Variants in RBFOX3 observed in about 807,000 individuals in gnomAD.
RBFOX3 encodes the protein RNA binding protein fox-1 homolog 3.
In RBFOX3, 17 loss-of-function variants were observed where a neutral mutation model predicts 48.7. The observed-to-expected ratio is 0.35, with a 90% confidence interval of 0.24 to 0.52. The LOEUF is 0.52. RBFOX3 is among the 20% of genes least tolerant of loss of function. The pLI is 0.94. For synonymous variants in RBFOX3, 212 were observed against 209.5 expected (o/e 1.01, Z -0.10); for missense variants, 382 against 497.5 (o/e 0.77, Z 2.21).
chr17:79,626,512 G>T, the RBFOX3 span, among the ~76,000 whole-genome samples: 1 of 152,182 alleles, frequency 6.6e-6, no homozygotes, highest in Non-Finnish European at 1.5e-5. Context: ...CTGGAACCAG[G>T]ATTCTCACGG....
intron 2 of RBFOX3, among the ~76,000 whole-genome samples, chr17:79,326,111 T>C (rs375054140): frequency 7.2e-4 from 109 of 152,208 alleles, no homozygotes; most frequent in African/African-American, 2.5e-3. Context: ...TACATACTTC[T>C]GGGGCGGTTT....
At chr17:79,527,101 C>T (rs930781292) in intron 1 of RBFOX3, among the ~76,000 whole-genome samples, 5 of 152,232 alleles carry the variant, frequency 3.3e-5, no homozygotes, top group South Asian at 4.1e-4. Context: ...CTTCTCTTCC[C>T]GCCACTCTGA....
the RBFOX3 span, among the ~76,000 whole-genome samples, chr17:79,663,561 C>G: frequency 4.6e-5 from 7 of 152,172 alleles, no homozygotes; most frequent in Non-Finnish European, 7.4e-5. Flanking sequence ...CCCCCACATA[C>G]CTGTTCCTCA....
intron 3 of RBFOX3, among the ~76,000 whole-genome samples, chr17:79,302,048 T>C (rs2075391391): frequency 6.6e-6 from 1 of 152,122 alleles, no homozygotes; most frequent in Admixed American, 6.5e-5. Context: ...GTGGTGATGT[T>C]TGCACAACAA....
chr17:79,371,367 G>T (rs562172880), intron 2 of RBFOX3, among the ~76,000 whole-genome samples: 1 of 152,338 alleles, frequency 6.6e-6, no homozygotes, highest in South Asian at 2.1e-4. Flanking sequence ...TTCCAGAGGA[G>T]CCCAGGGCTT....
chr17:79,479,273 G>A lies in RBFOX3; in HGVS notation c.-175+3181C>T, dbSNP rs2078427797. 6.6e-6 allele frequency among the ~76,000 whole-genome samples: 1 copy of A among 152,206 alleles called. No homozygotes were observed. Among genetic ancestry groups the A allele is most frequent in the Non-Finnish European group, 1.5e-5 (1 of 68,032 alleles). The stretch of plus-strand genomic sequence containing the variant: ...CTGAAGCCCATGTCCAGGCTGCAGG[G>A]AGAACCCAGGAGCTCGCGGGGCAGG... On this transcript the variant is annotated intron_variant, in intron 2 of 14. Coordinates refer to ENST00000693108, the MANE Select transcript of RBFOX3 (RefSeq NM_001350451.2). The surrounding 1 kb of genome is among the most constrained non-coding windows in gnomAD (Gnocchi z 5.1).
At chr17:79,553,496 T>C (rs2091339953) in intron 1 of RBFOX3, among the ~76,000 whole-genome samples, 1 of 152,184 alleles carries the variant, frequency 6.6e-6, no homozygotes, top group African/African-American at 2.4e-5. Context: ...TACTTAGACT[T>C]TTTCTTCTTT....
intron 3 of RBFOX3, among the ~76,000 whole-genome samples, chr17:79,245,650 A>T (rs1369756728): frequency 7.9e-4 from 46 of 58,424 alleles, no homozygotes; most frequent in Middle Eastern, 0.014. Context: ...TTTTTTTTTG[A>T]GACACCTAAC....
intron 4 of RBFOX3, among the ~76,000 whole-genome samples, chr17:79,124,879 C>T (rs972958237): frequency 2.0e-5 from 3 of 151,062 alleles, no homozygotes; most frequent in Non-Finnish European, 2.9e-5. Context: ...AGGCTGTCGT[C>T]GGCTGGCTCT....
At chr17:79,588,097 T>G (rs1366812293) in intron 1 of RBFOX3, among the ~76,000 whole-genome samples, 1 of 152,176 alleles carries the variant, frequency 6.6e-6, no homozygotes, top group African/African-American at 2.4e-5. Context: ...CCTCCCAAAG[T>G]GCTGGGATTG....
At chr17:79,545,966 A>G (rs1267833617) in intron 1 of RBFOX3, among the ~76,000 whole-genome samples, 1 of 152,236 alleles carries the variant, frequency 6.6e-6, no homozygotes, top group Non-Finnish European at 1.5e-5. Context: ...GTGCGTGTGC[A>G]CGTGTGTGTG....
intron 4 of RBFOX3, among the ~76,000 whole-genome samples, chr17:79,219,433 C>T (rs536100484): frequency 5.3e-4 from 81 of 152,352 alleles, no homozygotes; most frequent in African/African-American, 1.9e-3. Context: ...CACAGACACA[C>T]ACACATACCC....
At chr17:79,308,343 C>T (rs1030355928) in intron 2 of RBFOX3, among the ~76,000 whole-genome samples, 5 of 152,200 alleles carry the variant, frequency 3.3e-5, no homozygotes, top group Non-Finnish European at 7.3e-5. Context: ...CCTAGCTAGG[C>T]CCTCGATGGG....
At chr17:79,277,480 C>T (rs1025864880) in intron 3 of RBFOX3, among the ~76,000 whole-genome samples, 3 of 152,194 alleles carry the variant, frequency 2.0e-5, no homozygotes, top group African/African-American at 7.2e-5. Context: ...AATTTAAAGA[C>T]CAGAAGATAT....
intron 2 of RBFOX3, among the ~76,000 whole-genome samples, chr17:79,436,028 T>A (rs1002004197): frequency 5.9e-5 from 9 of 152,188 alleles, no homozygotes; most frequent in African/African-American, 2.2e-4. Flanking sequence ...ACCGCCCCCA[T>A]GAGACCTGCA....
chr17:79,351,807 CCT>C (rs1412736607), intron 2 of RBFOX3, among the ~76,000 whole-genome samples: 1 of 152,144 alleles, frequency 6.6e-6, no homozygotes, highest in Non-Finnish European at 1.5e-5. Context: ...TCGATAGTGT[CCT>C]CTGATACCTC....
intron 2 of RBFOX3, among the ~76,000 whole-genome samples, chr17:79,330,902 C>T (rs552534337): frequency 9.2e-5 from 14 of 152,192 alleles, no homozygotes; most frequent in Admixed American, 2.6e-4. Context: ...CTGGGGCAGC[C>T]GTCGGCCACG....
chr17:79,292,559 G>A (rs988288815), intron 3 of RBFOX3, among the ~76,000 whole-genome samples: 1 of 149,804 alleles, frequency 6.7e-6, no homozygotes, highest in Non-Finnish European at 1.5e-5. Context: ...CTTACAGTTG[G>A]CACTGTACAC....
At chr17:79,472,241 G>C (rs1400941215) in intron 2 of RBFOX3, among the ~76,000 whole-genome samples, 2 of 152,232 alleles carry the variant, frequency 1.3e-5, no homozygotes, top group Non-Finnish European at 2.9e-5. Flanking sequence ...GTACTAGCTG[G>C]TGGCAGAGGG....
Sources: gnomAD v4.1 joint callset for allele counts (sites outside exome capture counted in the v4.1 genomes callset) on GRCh38, gnomAD v4.1.1 for gene constraint, Gnocchi (gnomAD v3.1) non-coding constraint, MANE v1.5 for transcripts, NCBI Gene and HGNC (gene_info 2026-07-23, HGNC 2026-07-21) for gene names.